ST18: variants seen among roughly 807,000 people sequenced by gnomAD.
The protein encoded by ST18 is suppression of tumorigenicity 18 protein.
Under a neutral mutation model 110.0 loss-of-function variants are expected in ST18, and 50 were observed. The ratio of observed to expected loss-of-function variants is 0.45; its 90% CI spans 0.36 to 0.58. The LOEUF (loss-of-function observed/expected upper bound fraction) is 0.58. Among genes scored for constraint, ST18 ranks in the 20% least tolerant of loss-of-function variants. ST18 has a pLI of 0.00. For missense variants in ST18, 1,306 were observed against 1,280.1 expected, an observed-to-expected ratio of 1.02 and a Z score of -0.31; for synonymous variants, 461 against 452.4, an observed-to-expected ratio of 1.02 and a Z score of -0.24.
intron 2 of ST18, among the ~76,000 whole-genome samples, chr8:52,260,366 G>A (rs769059815): frequency 4.6e-5 from 7 of 152,230 alleles, no homozygotes; most frequent in Middle Eastern, 3.4e-3. Context: ...CAAAGCAACT[G>A]AATTATATAT....
chr8:52,374,933 A>G (rs1831692282), intron 2 of ST18, among the ~76,000 whole-genome samples: 1 of 152,136 alleles, frequency 6.6e-6, no homozygotes, highest in Admixed American at 6.5e-5. Context: ...TTGTTATGGC[A>G]GCCACAAGAA....
chr8:52,385,328 A>G (rs1836186982), intron 2 of ST18, among the ~76,000 whole-genome samples: 2 of 152,306 alleles, frequency 1.3e-5, no homozygotes, highest in South Asian at 2.1e-4. Flanking sequence ...CAAAGCACAC[A>G]TAAGAGATCA....
At chr8:52,274,907 T>C (rs1489749772) in intron 2 of ST18, among the ~76,000 whole-genome samples, 1 of 152,102 alleles carries the variant, frequency 6.6e-6, no homozygotes, top group Non-Finnish European at 1.5e-5. Context: ...TTGTTTAAAC[T>C]TCATCTTTTT....
intron 2 of ST18, among the ~76,000 whole-genome samples, chr8:52,378,977 T>C (rs2140795466): frequency 6.6e-6 from 1 of 152,334 alleles, no homozygotes; most frequent in East Asian, 1.9e-4. Flanking sequence ...ATGCTTTCAA[T>C]TGTCATAATT....
At chr8:52,146,616 A>G in intron 16 of ST18, among the ~76,000 whole-genome samples, 1 of 152,142 alleles carries the variant, frequency 6.6e-6, no homozygotes, top group Non-Finnish European at 1.5e-5. Context: ...ATAATGAGAC[A>G]TTGCGTATAA....
At chr8:52,304,538 A>C (rs2139595505) in intron 2 of ST18, among the ~76,000 whole-genome samples, 1 of 152,358 alleles carries the variant, frequency 6.6e-6, no homozygotes, top group African/African-American at 2.4e-5. Flanking sequence ...AAAGATACAT[A>C]CATAAAAGAA....
intron 2 of ST18, among the ~76,000 whole-genome samples, chr8:52,270,578 A>G (rs887074570): frequency 6.6e-6 from 1 of 152,252 alleles, no homozygotes; most frequent in Non-Finnish European, 1.5e-5. Context: ...AGTCTGTGAC[A>G]TGATGGATAT....
At chr8:52,375,424 C>T (rs1019592019) in intron 2 of ST18, among the ~76,000 whole-genome samples, 1 of 151,736 alleles carries the variant, frequency 6.6e-6, no homozygotes, top group Non-Finnish European at 1.5e-5. Context: ...TATTCTCAGG[C>T]CTTATTTTAC....
At chr8:52,204,022 C>G (rs564516388) in intron 8 of ST18, among the ~76,000 whole-genome samples, 125 of 152,312 alleles carry the variant, frequency 8.2e-4, no homozygotes, top group Middle Eastern at 3.4e-3. Flanking sequence ...TAAAAGTCTC[C>G]TTCCTTAAAC....
chr8:52,327,037 G>A (rs1029392428), intron 2 of ST18, among the ~76,000 whole-genome samples: 1 of 152,156 alleles, frequency 6.6e-6, no homozygotes, highest in Non-Finnish European at 1.5e-5. Flanking sequence ...ATTTAAGCTT[G>A]GTTTTGTTGT....
chr8:52,122,490 T>C (rs572509135), intron 23 of ST18, among the ~76,000 whole-genome samples: 103 of 152,110 alleles, frequency 6.8e-4, no homozygotes, highest in African/African-American at 2.5e-3. Context: ...TTTATTTATT[T>C]ATTTATTTTT....
At position 52,171,841 on chromosome 8, in the gene ST18, C is replaced by T; in HGVS notation, c.1020G>A (p.Arg340=). 1.2e-6 allele frequency: 2 copies of T among 1,614,064 alleles called. No individual in the cohort carries two copies. The highest frequency in any genetic ancestry group is 8.5e-7 in the Non-Finnish European group (1 of 1,179,978). The change falls in exon 10 of 26, where the codon AGG becomes AGA. Residue 340 remains arginine, a synonymous_variant. Transcript: ENST00000689386. The stretch of plus-strand genomic sequence containing the variant: ...CACCCATGTCGATAACTTTGGTTTG[C>T]CTCCTTTCCCCTGCTAGGTGCTCCA... The part of the protein sequence containing the change: ...FLLEHLAGER[R]QTKVIDMGGR...
At chr8:52,343,112 GT>G (rs1312063609) in intron 2 of ST18, among the ~76,000 whole-genome samples, 5 of 152,096 alleles carry the variant, frequency 3.3e-5, no homozygotes, top group Non-Finnish European at 7.4e-5. Context: ...TGAGGAAGAG[GT>G]GCCTATCATA....
chr8:52,364,269 C>T (rs1318740615), intron 2 of ST18, among the ~76,000 whole-genome samples: 2 of 151,794 alleles, frequency 1.3e-5, no homozygotes, highest in African/African-American at 4.8e-5. Flanking sequence ...AGTAGACTGG[C>T]CCATATTAAA....
chr8:52,240,328 G>A (rs2093273742), intron 2 of ST18, among the ~76,000 whole-genome samples: 1 of 152,080 alleles, frequency 6.6e-6, no homozygotes, highest in Non-Finnish European at 1.5e-5. Flanking sequence ...AAAGGAACTT[G>A]CAGTTTAAAA....
At chr8:52,133,323 C>T (rs760886669) in intron 19 of ST18, 22 bp from the exon 20 acceptor site, 1 of 1,614,060 alleles carries the variant, frequency 6.2e-7, no homozygotes, top group Middle Eastern at 1.7e-4. Flanking sequence ...AGGAAGAGAG[C>T]ATGGGCTGAG....
intron 2 of ST18, among the ~76,000 whole-genome samples, chr8:52,290,498 T>C (rs942972669): frequency 1.3e-5 from 2 of 152,180 alleles, no homozygotes; most frequent in Admixed American, 1.3e-4. Flanking sequence ...CCAAAAAAGG[T>C]TGACGCATAC....
At chr8:52,383,621 G>A (rs1157712984) in intron 2 of ST18, among the ~76,000 whole-genome samples, 1 of 151,800 alleles carries the variant, frequency 6.6e-6, no homozygotes, top group Non-Finnish European at 1.5e-5. Flanking sequence ...GCTAATTTTT[G>A]TATTTTTAGT....
At chr8:52,311,977 T>C (rs949874098) in intron 2 of ST18, among the ~76,000 whole-genome samples, 5 of 152,188 alleles carry the variant, frequency 3.3e-5, no homozygotes, top group African/African-American at 9.7e-5. Context: ...AGAAATAATA[T>C]CTTGTACATG....
Sources: gnomAD v4.1 joint callset for allele counts (sites outside exome capture counted in the v4.1 genomes callset) on GRCh38, gnomAD v4.1.1 for gene constraint, MANE v1.5 for transcripts, NCBI Gene and HGNC (gene_info 2026-07-23, HGNC 2026-07-21) for gene names.